TTN: variants seen among roughly 807,000 people sequenced by gnomAD.
TTN encodes the protein connectin.
In TTN, 1,525 loss-of-function variants were observed where a neutral mutation model predicts 3,223.0. The observed-to-expected ratio is 0.47, with a 90% CI of 0.45 to 0.49. The LOEUF is 0.49. TTN is among the 20% of genes least tolerant of loss of function. The probability of loss-of-function intolerance (pLI) is 0.00; values close to 1 mark genes in which losing one functional copy is unlikely to be tolerated. For missense variants in TTN, 40,786 were observed against 43,424.0 expected (o/e 0.94, Z 5.40); for synonymous variants, 14,094 against 15,161.0 (o/e 0.93, Z 5.17).
intron 47 of TTN, chr2:178,750,949 A>C (rs2085320067): frequency 6.2e-7 from 1 of 1,612,968 alleles, no homozygotes; most frequent in Non-Finnish European, 8.5e-7. Context: ...CTTTTGGTAG[A>C]CTTTCCTTTA....
Position 178,544,019 on chromosome 2 carries a change from G to A in TTN, c.96125C>T (p.Pro32042Leu), listed in dbSNP as rs879110168. The A allele has an allele frequency of 2.5e-6, 4 of 1,613,542 alleles. No homozygotes were observed. The highest frequency in any genetic ancestry group is 2.5e-6 in the Non-Finnish European group (3 of 1,179,698). Residue 32042 changes from proline (P) to leucine (L), a missense_variant, in exon 346 of 363, where the codon CCA (proline) becomes CTA (leucine). Coordinates refer to ENST00000589042, the MANE Select transcript of TTN (RefSeq NM_001267550.2). ...CTTGCTCCACGTTATGACAGGAGGT[G>A]GTCTTCCAGATACAGACACCATCAA... The part of the protein sequence containing the change: ...LRLMVSVSGR[P>L]PPVITWSKQG...
At position 178,727,600 on chromosome 2, in the gene TTN, T is replaced by A. The variant is rs780339252; in HGVS notation, c.19978A>T (p.Met6660Leu). The change falls in exon 68 of 363, where the codon ATG becomes TTG. Residue 6660 changes from methionine (M) to leucine (L), a missense_variant. Coordinates refer to ENST00000589042, the MANE Select transcript of TTN (RefSeq NM_001267550.2). ...ATTTGCACACCTGTCACAAGCAACA[T>A]CGTAGTACAAGAGTCGCTACCAACA... ...NDVGSDSCTT[M>L]LLVTEPPKFV... is the part of the protein sequence containing the mutation. 3 of 1,578,096 alleles carry A rather than the reference T, an allele frequency of 1.9e-6. No individual in the cohort carries two copies. The highest frequency in any genetic ancestry group is 1.7e-6 in the Non-Finnish European group (2 of 1,163,016).
chr2:178,747,974 A>G (rs2084161024), intron 47 of TTN: 1 of 1,613,128 alleles, frequency 6.2e-7, no homozygotes, highest in South Asian at 1.1e-5. Context: ...GTGGTCTTCC[A>G]AAGTGGCATC....
At chr2:178,695,463 T>C in intron 114 of TTN, 53 bp from the exon 115 acceptor site, 1 of 1,431,778 alleles carries the variant, frequency 7.0e-7, no homozygotes, top group Non-Finnish European at 9.8e-7. Flanking sequence ...TAAGTTCTCT[T>C]AGGTTGTTAA....
rs2082104946 is a variant in TTN at position 178,739,472 on chromosome 2, C to T, written c.13761G>A (p.Glu4587=). 1 of 1,613,636 alleles carries T rather than the reference C, an allele frequency of 6.2e-7. No individual in the cohort carries two copies. Among genetic ancestry groups the T allele is most frequent in the African/African-American group, 1.3e-5 (1 of 74,912 alleles). The change falls in exon 48 of 363, where the codon GAG becomes GAA. Residue 4587 remains glutamate (E), a synonymous_variant. Coordinates refer to ENST00000589042, the MANE Select transcript of TTN (RefSeq NM_001267550.2). Reference sequence around the variant, plus strand: ...CTTCCTGTATCTTTACTGTAGCAACCTCCTCAGTACCACTTTCAGAGGAAG... The same window carrying T: ...CTTCCTGTATCTTTACTGTAGCAACTTCCTCAGTACCACTTTCAGAGGAAG... ...EESSSESGTE[E]VATVKIQEAE... is the part of the protein sequence containing the mutation.
intron 100 of TTN, 141 bp downstream of exon 100, chr2:178,707,385 T>C: frequency 1.0e-6 from 1 of 990,006 alleles, no homozygotes; most frequent in Non-Finnish European, 1.4e-6. Context: ...ATTTCAATTA[T>C]AATAAGGAGC....
Position 178,601,639 on chromosome 2 carries a change from C to T in TTN, c.55432+19G>A, listed in dbSNP as rs1213547538. On this transcript the variant is annotated intron_variant, in intron 286 of 362. Transcript: ENST00000589042. ...ATAATTTGTTTTTATTCTGTAGCAA[C>T]TTTCAAAGTCTTTCTTACCCATGAC... 9.5e-6 allele frequency: 15 copies of T among 1,584,406 alleles called. No homozygotes were observed. The highest frequency in any genetic ancestry group is 1.2e-5 in the Non-Finnish European group (14 of 1,169,960).
Position 178,688,117 on chromosome 2 carries a change from A to T in TTN, c.32305T>A (p.Tyr10769Asn). The T allele has an allele frequency of 6.2e-7, 1 of 1,612,166 alleles. No individual in the cohort carries two copies. The highest frequency in any genetic ancestry group is 2.2e-5 in the East Asian group (1 of 44,836). Residue 10769 changes from tyrosine (Y) to asparagine (N), a missense_variant, in exon 127 of 363, where the codon TAT becomes AAT. Physicochemically the swap from Tyr to Asn is moderately radical, Grantham distance 143 (BLOSUM62 -2). Transcript: ENST00000589042. Reference protein sequence around the residue: ...EEEEEAEVTEYEVMEEPEEYV... With the variant: ...EEEEEAEVTENEVMEEPEEYV... ...GCTTATTTGCATTGTTTACCTTCAT[A>T]TTCTGTAACCTCTGCTTCTTCCTCC...
In TTN at chr2:178,559,431, G is replaced by A. The variant is rs757848764; in HGVS notation, c.86701C>T (p.Arg28901Cys). 1.2e-5 allele frequency: 20 copies of A among 1,613,540 alleles called. No individual in the cohort carries two copies. The highest frequency in any genetic ancestry group is 8.9e-5 in the East Asian group (4 of 44,872). Residue 28901 changes from arginine to cysteine, a missense_variant, in exon 326 of 363, where the codon CGC (arginine) becomes TGC (cysteine). Arg to Cys is a radical substitution (Grantham distance 180). Transcript: ENST00000589042. ...AAATTGGTAACTTTGTAGGAGAGGC[G>A]GTTACAGTTGTTGGTCACAGAGACC... ...AWVSVTNNCN[R>C]LSYKVTNLQE...
Position 178,573,274 on chromosome 2 carries a change from T to A in TTN, c.72858A>T (p.Gly24286=). The A allele has an allele frequency of 6.2e-7, 1 of 1,601,498 alleles. No individual in the cohort carries two copies. The highest frequency in any genetic ancestry group is 8.5e-7 in the Non-Finnish European group (1 of 1,173,606). The change falls in exon 326 of 363, where the codon GGA becomes GGT. Residue 24286 remains glycine, a synonymous_variant. Coordinates refer to ENST00000589042, the MANE Select transcript of TTN (RefSeq NM_001267550.2). ...ACTCATATTCATGTCCTTCTGTCAG[T>A]CCAGACACTTTATATCTTAAATCAG... ...TLTDLRYKVS[G]LTEGHEYEFR...
In TTN at chr2:178,802,204, G is replaced by A. The variant is rs1347415564; in HGVS notation, c.229C>T (p.Arg77Ter). The A allele has an allele frequency of 1.2e-6, 2 of 1,614,108 alleles. No individual in the cohort carries two copies. Among genetic ancestry groups the A allele is most frequent in the Non-Finnish European group, 8.5e-7 (1 of 1,180,010 alleles). Reference sequence around the variant, plus strand: ...CCATTGGTGGCTTTCAGGGAATATCGTCCACTGTTGGCTTTAGTCACGGCG... The same window carrying A: ...CCATTGGTGGCTTTCAGGGAATATCATCCACTGTTGGCTTTAGTCACGGCG... Reference protein sequence around the residue: ...IPAVTKANSGRYSLKATNGSG... With the variant: ...IPAVTKANSG The change falls in exon 3 of 363, where the codon CGA (arginine) becomes TGA (stop). Residue 77 changes from arginine (R) to a stop codon, truncating the protein, a stop_gained. Coordinates refer to ENST00000589042, the MANE Select transcript of TTN (RefSeq NM_001267550.2). LOFTEE classifies it high-confidence loss of function.
At position 178,722,770 on chromosome 2, in the gene TTN, C is replaced by T. The variant is rs1490395674; in HGVS notation, c.22129G>A (p.Val7377Met). 1.9e-6 allele frequency: 3 copies of T among 1,613,254 alleles called. No individual in the cohort carries two copies. Among genetic ancestry groups the T allele is most frequent in the Non-Finnish European group, 2.5e-6 (3 of 1,179,540 alleles). Reference sequence around the variant, plus strand: ...ACTTTATTAAAAACAAGTGTGGCCACATTGTTTGTAAAGTAGGTCCTGTAT... The same window carrying T: ...ACTTTATTAAAAACAAGTGTGGCCATATTGTTTGTAAAGTAGGTCCTGTAT... Reference protein sequence around the residue: ...PEYRTYFTNNVATLVFNKVNI... With the variant: ...PEYRTYFTNNMATLVFNKVNI... The change falls in exon 76 of 363, where the codon GTG (valine) becomes ATG (methionine). Residue 7377 changes from valine to methionine, a missense_variant. Coordinates refer to ENST00000589042, the MANE Select transcript of TTN (RefSeq NM_001267550.2).
At position 178,539,979 on chromosome 2, in the gene TTN, G is replaced by C; in HGVS notation, c.98099-13C>G. The stretch of plus-strand genomic sequence containing the variant: ...TAATCAGGATATTCTGGAAAAAAAG[G>C]TAGGGTTTCAATTTAGCATTTGGGG... On this transcript the variant is annotated splice_polypyrimidine_tract_variant and intron_variant, in intron 351 of 362. Transcript: ENST00000589042. The C allele has an allele frequency of 6.2e-7, 1 of 1,609,586 alleles. No individual in the cohort carries two copies. The highest frequency in any genetic ancestry group is 8.5e-7 in the Non-Finnish European group (1 of 1,176,762).
At position 178,569,731 on chromosome 2, in the gene TTN, T is replaced by C. The variant is rs369018558; in HGVS notation, c.76401A>G (p.Glu25467=). 4 of 1,613,250 alleles carry C rather than the reference T, an allele frequency of 2.5e-6. No individual in the cohort carries two copies. In the African/African-American group the frequency reaches 4.0e-5, roughly 16 times the overall value. ...CATGCTTTTCCAACAGCTTCTCTAC[T>C]TCTATGTTTGTTTTATTAATTCCTG... The part of the protein sequence containing the change: ...PPTGINKTNI[E]VEKLLEKHEY... The change falls in exon 326 of 363, where the codon GAA becomes GAG. Residue 25467 remains glutamate (E), a synonymous_variant. Transcript: ENST00000589042.
rs1235758276 is a variant in TTN at position 178,654,966 on chromosome 2, C to CTTCAGGCTTTTTAGGAGG, written c.38067_38068insCCTCCTAAAAAGCCTGAA (p.Pro12689_Glu12690insProProLysLysProGlu). On this transcript the variant is annotated inframe_insertion, in exon 190 of 363. Transcript: ENST00000589042. ...GGAGGAGGCACTGGCACTTTCTTTT[C>CTTCAGGCTTTTTAGGAGG]AGGAACAACTTCTTTGGGAGCCTCA... The CTTCAGGCTTTTTAGGAGG allele has an allele frequency of 6.0e-6, 4 of 661,984 alleles. No individual in the cohort carries two copies. The highest frequency in any genetic ancestry group is 4.5e-5 in the South Asian group (2 of 44,892). The allele number at this position is 661,984 out of a possible 1,614,324, so 41.0% of individuals were successfully genotyped here.
chr2:178,757,541 C>A lies in TTN; in HGVS notation c.10678+1G>T. ...AGTCCTTGAAGCAAGATGGGCTTTACCTTTTGGAGTCACTGTGAGTGTAGC... is the reference window on the plus strand; with the variant it reads ...AGTCCTTGAAGCAAGATGGGCTTTAACTTTTGGAGTCACTGTGAGTGTAGC... On this transcript the variant is annotated splice_donor_variant, in intron 45 of 362. Transcript: ENST00000589042. LOFTEE classifies it high-confidence loss of function. 6.4e-7 allele frequency: 1 copy of A among 1,553,080 alleles called. No homozygotes were observed. Among genetic ancestry groups the A allele is most frequent in the East Asian group, 2.3e-5 (1 of 44,188 alleles).
intron 270 of TTN, 86 bp from the exon 271 acceptor site, chr2:178,610,475 A>G (rs150413688): frequency 4.9e-5 from 70 of 1,420,568 alleles, no homozygotes; most frequent in Non-Finnish European, 6.4e-5. Flanking sequence ...GGCTATCTGT[A>G]TTTTGGGTAG....
rs371096025 is a variant in TTN at position 178,554,609 on chromosome 2, C to A, written c.88738G>T (p.Val29580Leu). The stretch of plus-strand genomic sequence containing the variant: ...AAATGTTCAGACACCATAGACCACA[C>A]AACGCGGCTTGTCTCACGCTTTTCC... The part of the protein sequence containing the change: ...IVEKRETSRV[V>L]WSMVSEHLEE... Residue 29580 changes from valine (V) to leucine (L), a missense_variant, in exon 332 of 363, where the codon GTG becomes TTG. Val to Leu is a conservative substitution (Grantham distance 32). Transcript: ENST00000589042. 1 of 1,613,924 alleles carries A rather than the reference C, an allele frequency of 6.2e-7. No homozygotes were observed.
intron 20 of TTN, among the ~76,000 whole-genome samples, chr2:178,781,584 T>A (rs1414600020): frequency 1.5e-5 from 2 of 137,752 alleles, no homozygotes; most frequent in African/African-American, 4.9e-5. Context: ...TTGTTCGTTA[T>A]TTTTCTCATT....
Sources: allele counts gnomAD v4.1 joint callset (sites outside exome capture counted in the v4.1 genomes callset), GRCh38; gene constraint gnomAD v4.1.1; transcripts MANE v1.5; gene names NCBI Gene and HGNC (gene_info 2026-07-23, HGNC 2026-07-21).